HNF1A: variants seen among roughly 807,000 people sequenced by gnomAD.
HNF1A encodes the protein hepatocyte nuclear factor 1-alpha.
A neutral mutation model predicts 62.2 loss-of-function variants in HNF1A; 21 were observed. The ratio of observed to expected loss-of-function variants is 0.34; its 90% CI spans 0.24 to 0.49. HNF1A has a LOEUF of 0.49. Ranked by LOEUF, HNF1A falls within the 20% of genes least tolerant of loss-of-function variation. HNF1A has a pLI of 0.99. For missense variants in HNF1A, 687 were observed against 832.3 expected (o/e 0.83, Z 2.15); for synonymous variants, 374 against 366.8 (o/e 1.02, Z -0.22).
In HNF1A at chr12:120,989,098, G is replaced by C. The variant is rs12427353; in HGVS notation, c.526+66G>C. 0.17 allele frequency: 248,594 copies of C among 1,479,890 alleles called. 23,588 individuals are homozygous for C. The highest frequency in any genetic ancestry group is 0.19 in the Non-Finnish European group (207,127 of 1,070,372). The allele number at this position is 1,479,890 out of a possible 1,614,324, so 91.7% of individuals were successfully genotyped here. ...CAGGACTCTCCCCTAACTCATAGGT[G>C]GGGGCTGGAAGCTTCACCATCCCCA... On this transcript the variant is annotated intron_variant, in intron 2 of 9. Transcript: ENST00000257555.
Position 120,997,478 on chromosome 12 carries a change from G to C in HNF1A, c.1314G>C (p.Leu438=). Reference sequence around the variant, plus strand: ...TTCCCTCCCCTTCCACTCCAGGCCTGGCCTCCACGCAGGCACAGAGTGTGC... The same window carrying C: ...TTCCCTCCCCTTCCACTCCAGGCCTCGCCTCCACGCAGGCACAGAGTGTGC... ...NTGASTLVIG[L]ASTQAQSVPV... Residue 438 remains leucine (L), a synonymous_variant, in exon 7 of 10, where the codon CTG becomes CTC. Transcript: ENST00000257555. The C allele has an allele frequency of 6.2e-7, 1 of 1,606,494 alleles. No homozygotes were observed. The highest frequency in any genetic ancestry group is 8.5e-7 in the Non-Finnish European group (1 of 1,177,376).
chr12:121,000,274 G>T (rs1592899325), intron 9 of HNF1A, among the ~76,000 whole-genome samples: 1 of 152,140 alleles, frequency 6.6e-6, no homozygotes, highest in African/African-American at 2.4e-5. Context: ...GGCCCTGGCA[G>T]CTGTCATGAC....
At position 120,989,073 on chromosome 12, in the gene HNF1A, C is replaced by G. The variant is rs748776478; in HGVS notation, c.526+41C>G. 5.7e-6 allele frequency: 9 copies of G among 1,589,194 alleles called. No individual in the cohort carries two copies. The Admixed American group carries it at 1.2e-4, about 21-fold the overall frequency. ...ACCCCGCATCTTCCCTGGGAGGGCC[C>G]AGGACTCTCCCCTAACTCATAGGTG... On this transcript the variant is annotated intron_variant, in intron 2 of 9. Transcript: ENST00000257555.
chr12:120,993,332 G>A (rs909331083), intron 2 of HNF1A, among the ~76,000 whole-genome samples, 188 bp from the exon 3 acceptor site: 2 of 152,176 alleles, frequency 1.3e-5, no homozygotes, highest in African/African-American at 4.8e-5. Context: ...TTGAACACAG[G>A]TTAAGAAAGT....
chr12:120,997,004 A>C, intron 6 of HNF1A: 1 of 1,518,026 alleles, frequency 6.6e-7, no homozygotes, highest in Non-Finnish European at 8.9e-7. Context: ...TGAAGGGTCT[A>C]TGGGCAAATT....
In HNF1A at chr12:120,994,263, G is replaced by A. The variant is rs2135841871; in HGVS notation, c.813G>A (p.Arg271=). The part of the protein sequence containing the change: ...EVRVYNWFAN[R]RKEEAFRHKL... ...GTGTCTACAACTGGTTTGCCAACCGGCGCAAAGAAGAAGCCTTCCGGCACA... is the reference window on the plus strand; with the variant it reads ...GTGTCTACAACTGGTTTGCCAACCGACGCAAAGAAGAAGCCTTCCGGCACA... The change falls in exon 4 of 10, where the codon CGG becomes CGA. Residue 271 remains arginine (R), a synonymous_variant. Coordinates refer to ENST00000257555, the MANE Select transcript of HNF1A (RefSeq NM_000545.8). 1 of 1,613,534 alleles carries A rather than the reference G, an allele frequency of 6.2e-7. No homozygotes were observed. The highest frequency in any genetic ancestry group is 8.5e-7 in the Non-Finnish European group (1 of 1,179,810).
chr12:120,982,456 C>A (rs1184206582), intron 1 of HNF1A, among the ~76,000 whole-genome samples: 1 of 138,478 alleles, frequency 7.2e-6, no homozygotes, highest in African/African-American at 2.8e-5. Flanking sequence ...GTAGCCACGG[C>A]AGGAGGGGGG....
chr12:120,991,392 G>A (rs990985376), intron 2 of HNF1A, among the ~76,000 whole-genome samples: 3 of 152,180 alleles, frequency 2.0e-5, no homozygotes, highest in Non-Finnish European at 4.4e-5. Context: ...GCAGGAGTCT[G>A]AGACCAGCCT....
rs1197993524 is a variant in HNF1A, at chr12:120,978,831, G to T, written c.63G>T (p.Leu21=). 3 of 1,613,258 alleles carry T rather than the reference G, an allele frequency of 1.9e-6. No individual in the cohort carries two copies. The highest frequency in any genetic ancestry group is 1.7e-6 in the Non-Finnish European group (2 of 1,179,862). ...ELLAALLESG[L]SKEALIQALG... ...TGGCGGCCCTGCTCGAGTCAGGGCTGAGCAAAGAGGCACTGATCCAGGCAC... is the reference window on the plus strand; with the variant it reads ...TGGCGGCCCTGCTCGAGTCAGGGCTTAGCAAAGAGGCACTGATCCAGGCAC... Residue 21 remains leucine, a synonymous_variant, in exon 1 of 10, where the codon CTG becomes CTT. Coordinates refer to ENST00000257555, the MANE Select transcript of HNF1A (RefSeq NM_000545.8).
In HNF1A at chr12:120,996,299, A is replaced by G; in HGVS notation, c.993A>G (p.Ala331=). 6 of 1,614,168 alleles carry G rather than the reference A, an allele frequency of 3.7e-6. No homozygotes were observed. The highest frequency in any genetic ancestry group is 5.1e-6 in the Non-Finnish European group (6 of 1,180,026). The change falls in exon 5 of 10, where the codon GCA becomes GCG. Residue 331 remains alanine, a synonymous_variant. Transcript: ENST00000257555. The surrounding 1 kb of genome is among the most constrained non-coding windows in gnomAD (Gnocchi z 4.5). ...RYGQPATSET[A]EVPSSSGGPL... Reference sequence around the variant, plus strand: ...GACAGCCTGCGACCAGTGAGACTGCAGAAGTACCCTCAAGCAGCGGCGGTC... The same window carrying G: ...GACAGCCTGCGACCAGTGAGACTGCGGAAGTACCCTCAAGCAGCGGCGGTC...
rs1456860191 is a variant in HNF1A at position 120,999,439 on chromosome 12, A to G, written c.1624-44A>G. ...CCCTTGGCCTGTGACAGAGCCCCTC[A>G]CCCCCACATCCCCCGGGCTCAGGAG... On this transcript the variant is annotated intron_variant, in intron 8 of 9. Transcript: ENST00000257555. The G allele has an allele frequency of 1.2e-5, 19 of 1,613,016 alleles. 1 individual carries two copies. In the South Asian group the frequency reaches 1.8e-4, roughly 15 times the overall value.
Position 120,996,368 on chromosome 12 carries a change from G to T in HNF1A, c.1062G>T (p.Thr354=), listed in dbSNP as rs373384579. Residue 354 remains threonine (T), a synonymous_variant, in exon 5 of 10, where the codon ACG becomes ACT. Transcript: ENST00000257555. This position sits in a 1 kb window ranked among gnomAD's most constrained non-coding sequence, Gnocchi z 4.5. ...CACCCCTCCACCAAGTGTCCCCCAC[G>T]GGCCTGGAGCCCAGCCACAGCCTGC... The part of the protein sequence containing the change: ...VSTPLHQVSP[T]GLEPSHSLLS... The T allele has an allele frequency of 1.9e-6, 3 of 1,614,148 alleles. No individual in the cohort carries two copies. The South Asian group carries it at 3.3e-5, about 18-fold the overall frequency.
Position 120,994,314 on chromosome 12 carries a change from G to T in HNF1A, c.864G>T (p.Gly288=), listed in dbSNP as rs56348580. The T allele has an allele frequency of 1.2e-6, 2 of 1,605,224 alleles. No homozygotes were observed. Among genetic ancestry groups the T allele is most frequent in the African/African-American group, 2.7e-5 (2 of 74,624 alleles). The change falls in exon 4 of 10, where the codon GGG becomes GGT. Residue 288 remains glycine (G), a synonymous_variant. Transcript: ENST00000257555. ...AGCTGGCCATGGACACGTACAGCGG[G>T]CCCCCCCCAGGGCCAGGCCCGGGAC... ...RHKLAMDTYS[G]PPPGPGPGPA... is the part of the protein sequence containing the mutation.
At chr12:120,986,642 C>T (rs1208034417) in intron 1 of HNF1A, among the ~76,000 whole-genome samples, 1 of 152,330 alleles carries the variant, frequency 6.6e-6, no homozygotes, top group East Asian at 1.9e-4. Flanking sequence ...TGCAGTGGCG[C>T]GATCTCGGCT....
At chr12:120,983,604 G>C (rs1341497831) in intron 1 of HNF1A, among the ~76,000 whole-genome samples, 2 of 150,546 alleles carry the variant, frequency 1.3e-5, no homozygotes, top group Non-Finnish European at 3.0e-5. Flanking sequence ...GGAGTGCAGT[G>C]GCGCAGTCTT....
At chr12:120,992,595 T>C (rs894827627) in intron 2 of HNF1A, among the ~76,000 whole-genome samples, 7 of 152,140 alleles carry the variant, frequency 4.6e-5, no homozygotes, top group African/African-American at 1.7e-4. Flanking sequence ...TCAATGAATT[T>C]TCACAAAGTG....
Position 120,988,998 on chromosome 12 carries a change from C to G in HNF1A, c.492C>G (p.Thr164=), listed in dbSNP as rs199623332. The G allele has an allele frequency of 4.2e-5, 67 of 1,614,256 alleles. 1 individual carries two copies. The East Asian group carries it at 1.4e-3, about 34-fold the overall frequency. ...MKTQKRAALY[T]WYVRKQREVA... is the part of the protein sequence containing the mutation. ...CGCAGAAGCGGGCCGCCCTGTACAC[C>G]TGGTACGTCCGCAAGCAGCGAGAGG... The change falls in exon 2 of 10, where the codon ACC becomes ACG. Residue 164 remains threonine (T), a synonymous_variant. Transcript: ENST00000257555.
rs769404658 is a variant in HNF1A, at chr12:121,001,238, G to C, written c.*46G>C. 1.9e-6 allele frequency: 3 copies of C among 1,608,996 alleles called. No homozygotes were observed. Among genetic ancestry groups the C allele is most frequent in the East Asian group, 4.5e-5 (2 of 44,736 alleles). ...GGCCTGTACTGCCTGCTTGGGGGGT[G>C]ATGAGGGCAGCAGCCAGCCCTGCCT... On this transcript the variant is annotated 3_prime_UTR_variant, in exon 10 of 10. Coordinates refer to ENST00000257555, the MANE Select transcript of HNF1A (RefSeq NM_000545.8).
chr12:121,002,468 C>T lies in HNF1A; in HGVS notation c.*1276C>T, dbSNP rs776099614. 5.7e-6 allele frequency: 3 copies of T among 523,874 alleles called. No homozygotes were observed. Among genetic ancestry groups the T allele is most frequent in the African/African-American group, 3.8e-5 (2 of 53,164 alleles). 32.5% of individuals were successfully genotyped at this position (523,874 alleles called of 1,614,324 possible). On this transcript the variant is annotated 3_prime_UTR_variant, in exon 10 of 10. Transcript: ENST00000257555. Reference sequence around the variant, plus strand: ...TTGTAGCCAGCCGGGGCGAGTGGCACGTTTATTTAACTTTTAGTAAAGTCA... The same window carrying T: ...TTGTAGCCAGCCGGGGCGAGTGGCATGTTTATTTAACTTTTAGTAAAGTCA...
Sources: allele counts gnomAD v4.1 joint callset (sites outside exome capture counted in the v4.1 genomes callset), GRCh38; gene constraint gnomAD v4.1.1; non-coding constraint Gnocchi (gnomAD v3.1); transcripts MANE v1.5; gene names NCBI Gene and HGNC (gene_info 2026-07-23, HGNC 2026-07-21).